The following NPAS3 variants were observed in gnomAD, a reference collection of about 807,000 sequenced individuals.
NPAS3 encodes neuronal PAS domain-containing protein 3.
NPAS3 carries 14 observed loss-of-function variants against 73.1 expected under a neutral mutation model. That is an observed-to-expected ratio of 0.19 (90% confidence interval 0.13 to 0.30). The LOEUF is 0.30. NPAS3 is among the 10% of genes least tolerant of loss of function. The probability of loss-of-function intolerance (pLI) is 1.00; values close to 1 mark genes in which losing one functional copy is unlikely to be tolerated. For missense variants in NPAS3, 1,096 were observed against 1,250.0 expected, an observed-to-expected ratio of 0.88 and a Z score of 1.86; for synonymous variants, 620 against 541.5, an observed-to-expected ratio of 1.14 and a Z score of -2.01.
chr14:33,657,698 A>G (rs982478345), intron 5 of NPAS3, among the ~76,000 whole-genome samples: 17 of 152,292 alleles, frequency 1.1e-4, no homozygotes, highest in Admixed American at 6.5e-4. Flanking sequence ...ACTCAACACT[A>G]TGCTGGCTGC....
chr14:33,111,134 C>T (rs913033735), intron 2 of NPAS3, among the ~76,000 whole-genome samples: 1 of 152,178 alleles, frequency 6.6e-6, no homozygotes, highest in Non-Finnish European at 1.5e-5. Context: ...AAGGCTCTGC[C>T]ACTGTTGGGG....
At chr14:33,593,412 A>G (rs753204162) in intron 5 of NPAS3, among the ~76,000 whole-genome samples, 3 of 152,214 alleles carry the variant, frequency 2.0e-5, no homozygotes, top group Non-Finnish European at 4.4e-5. Context: ...TGCTGAGCAC[A>G]TGTTTTCAAA....
intron 6 of NPAS3, among the ~76,000 whole-genome samples, chr14:33,688,571 G>C (rs1195647730): frequency 3.9e-5 from 6 of 152,104 alleles, no homozygotes; most frequent in Admixed American, 1.3e-4. Flanking sequence ...AAATTTTCCA[G>C]TTCATTTGGT....
At chr14:33,444,895 C>CTCA (rs1164553422) in intron 4 of NPAS3, among the ~76,000 whole-genome samples, 2 of 152,346 alleles carry the variant, frequency 1.3e-5, no homozygotes, top group South Asian at 2.1e-4. Flanking sequence ...TTGAGGTTCC[C>CTCA]TCATCATCAT....
chr14:33,177,073 TA>T lies in NPAS3; in HGVS notation c.141-38108del, dbSNP rs1398414295. On this transcript the variant is annotated intron_variant, in intron 2 of 11. Transcript: ENST00000356141. ...TTTTTAATTAGGCTGTTTATCTTTT[TA>T]TTATTATTATTATTATTATTATTAT... Among the ~76,000 whole-genome samples, 13 of 77,124 alleles carry T rather than the reference TA, an allele frequency of 1.7e-4. No homozygotes were observed. In the South Asian group the frequency reaches 4.5e-3, roughly 27 times the overall value. The allele number at this position is 77,124 out of a possible 152,430, so 50.6% of individuals were successfully genotyped here.
chr14:33,091,919 C>G (rs1453561841), intron 2 of NPAS3, among the ~76,000 whole-genome samples: 1 of 152,162 alleles, frequency 6.6e-6, no homozygotes, highest in Non-Finnish European at 1.5e-5. Flanking sequence ...CAAAATTCAG[C>G]AGCCCTTCAT....
At chr14:33,115,635 C>T (rs933446047) in intron 2 of NPAS3, among the ~76,000 whole-genome samples, 1 of 152,162 alleles carries the variant, frequency 6.6e-6, no homozygotes, top group Admixed American at 6.5e-5. Context: ...AGATAGAAAT[C>T]ATCCATATGT....
At chr14:33,257,379 C>T (rs1202338351) in intron 3 of NPAS3, among the ~76,000 whole-genome samples, 2 of 152,152 alleles carry the variant, frequency 1.3e-5, no homozygotes, top group East Asian at 1.9e-4. Flanking sequence ...TAATGAGTCC[C>T]TCTTTGGTAA....
intron 3 of NPAS3, among the ~76,000 whole-genome samples, chr14:33,242,374 C>T (rs774958002): frequency 3.3e-5 from 5 of 152,068 alleles, no homozygotes; most frequent in South Asian, 2.1e-4. Context: ...CCACCTGTCC[C>T]GTTTTTTCCC....
At chr14:33,616,404 G>A (rs2057919167) in intron 5 of NPAS3, among the ~76,000 whole-genome samples, 1 of 152,170 alleles carries the variant, frequency 6.6e-6, no homozygotes, top group African/African-American at 2.4e-5. Flanking sequence ...AGGAGCATGG[G>A]AACACCCTGT....
chr14:33,198,265 C>T (rs1371411025), intron 2 of NPAS3, among the ~76,000 whole-genome samples: 3 of 150,952 alleles, frequency 2.0e-5, no homozygotes, highest in South Asian at 2.2e-4. Context: ...GCAGTTTGCC[C>T]CTGCTGGCTC....
intron 4 of NPAS3, among the ~76,000 whole-genome samples, chr14:33,541,249 A>G (rs1459354651): frequency 1.3e-5 from 2 of 152,182 alleles, no homozygotes; most frequent in Non-Finnish European, 1.5e-5. Context: ...ATAGTAAATT[A>G]TGCACCTTTT....
intron 6 of NPAS3, among the ~76,000 whole-genome samples, chr14:33,727,217 G>T (rs537194638): frequency 6.6e-6 from 1 of 151,772 alleles, no homozygotes. Context: ...ATGGATGGCC[G>T]CAGAGAAGAT....
intron 1 of NPAS3, among the ~76,000 whole-genome samples, chr14:32,995,577 TG>T (rs1188297822): frequency 6.6e-6 from 1 of 152,208 alleles, no homozygotes; most frequent in Non-Finnish European, 1.5e-5. Context: ...TTGTGGGAGA[TG>T]ATTTAAACAT....
At chr14:33,215,272 G>A in exon 3 of NPAS3, 1 of 1,579,990 alleles carries the variant, frequency 6.3e-7, no homozygotes, top group Non-Finnish European at 8.7e-7. Flanking sequence ...TGGCCAAGTT[G>A]TTGCCTCTTC....
chr14:33,741,833 G>A (rs965691860), intron 7 of NPAS3, among the ~76,000 whole-genome samples: 1 of 152,160 alleles, frequency 6.6e-6, no homozygotes, highest in Non-Finnish European at 1.5e-5. Context: ...GCAGGTAGGG[G>A]AGGTAACAGC....
chr14:32,957,423 G>A (rs2139191246), intron 1 of NPAS3, among the ~76,000 whole-genome samples: 1 of 149,880 alleles, frequency 6.7e-6, no homozygotes, highest in South Asian at 2.1e-4. Context: ...GCAGGCTGGA[G>A]TGCAGTGGTG....
At chr14:33,450,849 A>G (rs1161344424) in intron 4 of NPAS3, among the ~76,000 whole-genome samples, 1 of 152,256 alleles carries the variant, frequency 6.6e-6, no homozygotes, top group Non-Finnish European at 1.5e-5. Context: ...GTTGCCAGGC[A>G]TTACTGGACC....
chr14:33,340,673 T>C (rs879766721), intron 3 of NPAS3, among the ~76,000 whole-genome samples: 1 of 152,206 alleles, frequency 6.6e-6, no homozygotes, highest in Non-Finnish European at 1.5e-5. Context: ...TTCTAAATTT[T>C]TCATCCTAAA....
Sources: allele counts gnomAD v4.1 joint callset (sites outside exome capture counted in the v4.1 genomes callset), GRCh38; gene constraint gnomAD v4.1.1; transcripts MANE v1.5; gene names NCBI Gene and HGNC (gene_info 2026-07-23, HGNC 2026-07-21).